Variants in SCD5 observed in about 807,000 individuals in gnomAD.
The protein encoded by SCD5 is stearoyl-CoA desaturase 5, also known as acyl-CoA-desaturase 4.
In SCD5, 20 loss-of-function variants were observed where a neutral mutation model predicts 30.4. The observed-to-expected ratio is 0.66, with a 90% CI of 0.46 to 0.96. The LOEUF is 0.96. SCD5 is among the 40% of genes least tolerant of loss of function. The probability of loss-of-function intolerance (pLI) is 0.00; values close to 1 mark genes in which losing one functional copy is unlikely to be tolerated. For missense variants in SCD5, 381 were observed against 443.3 expected, an observed-to-expected ratio of 0.86 and a Z score of 1.26; for synonymous variants, 173 against 176.4, an observed-to-expected ratio of 0.98 and a Z score of 0.16.
intron 1 of SCD5, among the ~76,000 whole-genome samples, chr4:82,709,613 C>T (rs1014494430): frequency 1.3e-5 from 2 of 152,294 alleles, no homozygotes; most frequent in South Asian, 2.1e-4. Context: ...GAGGGACTCA[C>T]AGATGCAAAG....
intron 2 of SCD5, among the ~76,000 whole-genome samples, chr4:82,685,731 A>G (rs113529442): frequency 6.6e-6 from 1 of 152,006 alleles, no homozygotes; most frequent in Non-Finnish European, 1.5e-5. Flanking sequence ...AACAAACAAA[A>G]AAAAAAACTA....
At chr4:82,675,711 G>C (rs528597792) in intron 3 of SCD5, among the ~76,000 whole-genome samples, 30 of 152,330 alleles carry the variant, frequency 2.0e-4, no homozygotes, top group Admixed American at 3.3e-4. Context: ...AGCATTAGGA[G>C]AAACAGTCTC....
chr4:82,709,295 G>C lies in SCD5; in HGVS notation c.233-3882C>G, dbSNP rs80116560. 1.1e-3 allele frequency among the ~76,000 whole-genome samples: 166 copies of C among 152,242 alleles called. 5 individuals are homozygous for C. In the East Asian group the frequency reaches 0.029, roughly 26 times the overall value. On this transcript the variant is annotated intron_variant, in intron 1 of 4. Coordinates refer to ENST00000319540, the MANE Select transcript of SCD5 (RefSeq NM_001037582.3). ...TCTGCATCCCATTCAGCCTCGGCTTGTCATAAACATGAGTGCCAGTTTATG... is the reference window on the plus strand; with the variant it reads ...TCTGCATCCCATTCAGCCTCGGCTTCTCATAAACATGAGTGCCAGTTTATG...
chr4:82,756,588 G>A (rs1298907766), intron 1 of SCD5, among the ~76,000 whole-genome samples: 1 of 152,072 alleles, frequency 6.6e-6, no homozygotes, highest in Non-Finnish European at 1.5e-5. Context: ...AGCCAGGTGT[G>A]GTGGTGTGCA....
chr4:82,734,303 A>C (rs970913758), intron 1 of SCD5, among the ~76,000 whole-genome samples: 1 of 152,192 alleles, frequency 6.6e-6, no homozygotes, highest in African/African-American at 2.4e-5. Flanking sequence ...CAAACCAAAC[A>C]AAACAATCCC....
intron 3 of SCD5, among the ~76,000 whole-genome samples, chr4:82,658,659 A>C (rs1160592877): frequency 1.2e-5 from 1 of 86,780 alleles, no homozygotes; most frequent in Non-Finnish European, 2.3e-5. Flanking sequence ...TTTTTTTTGT[A>C]TTTTAGTGGA....
chr4:82,703,249 A>G (rs1719894634), intron 2 of SCD5, among the ~76,000 whole-genome samples: 2 of 152,258 alleles, frequency 1.3e-5, no homozygotes, highest in South Asian at 4.1e-4. Context: ...GATGGTTTCT[A>G]AAACTACATT....
intron 1 of SCD5, among the ~76,000 whole-genome samples, chr4:82,747,016 G>T (rs914505144): frequency 6.8e-6 from 1 of 146,796 alleles, no homozygotes; most frequent in African/African-American, 2.6e-5. Context: ...GAATGACACA[G>T]GCACCAAGGG....
At chr4:82,695,786 T>C (rs1352906519) in intron 2 of SCD5, among the ~76,000 whole-genome samples, 1 of 152,224 alleles carries the variant, frequency 6.6e-6, no homozygotes, top group Non-Finnish European at 1.5e-5. Context: ...ATGTTTTCCC[T>C]ACCCTCCTCT....
At chr4:82,646,091 A>C (rs1184639749) in intron 3 of SCD5, among the ~76,000 whole-genome samples, 1 of 152,142 alleles carries the variant, frequency 6.6e-6, no homozygotes, top group Non-Finnish European at 1.5e-5. Flanking sequence ...AAAGAAGCAA[A>C]CACCACAACG....
chr4:82,652,128 G>A (rs1268110689), intron 3 of SCD5, among the ~76,000 whole-genome samples: 2 of 152,116 alleles, frequency 1.3e-5, no homozygotes, highest in Non-Finnish European at 2.9e-5. Context: ...AAAGAAACAT[G>A]AGCAAAAGCA....
intron 1 of SCD5, among the ~76,000 whole-genome samples, chr4:82,706,484 T>C (rs1719971495): frequency 6.6e-6 from 1 of 152,256 alleles, no homozygotes; most frequent in African/African-American, 2.4e-5. Flanking sequence ...CAGCAGCGCC[T>C]GTACTGTGCA....
At chr4:82,684,002 T>C (rs4693488) in intron 2 of SCD5, among the ~76,000 whole-genome samples, 143,816 of 152,326 alleles carry the variant, frequency 0.94, 68,006 homozygotes, top group East Asian at 1. Flanking sequence ...TAATTCAATG[T>C]CATGCAATCT....
chr4:82,749,585 A>C (rs1721059345), intron 1 of SCD5, among the ~76,000 whole-genome samples: 2 of 152,384 alleles, frequency 1.3e-5, no homozygotes, highest in East Asian at 3.9e-4. Flanking sequence ...CCAAACAGGC[A>C]ATGTTTCCTT....
intron 1 of SCD5, among the ~76,000 whole-genome samples, chr4:82,712,024 G>T (rs183450286): frequency 5.6e-4 from 84 of 151,216 alleles, no homozygotes; most frequent in African/African-American, 1.9e-3. Context: ...CTTTCTATGT[G>T]CCAGGCCCTC....
In SCD5 at chr4:82,664,193, G is replaced by A. The variant is rs143069190; in HGVS notation, c.569+16514C>T. On this transcript the variant is annotated intron_variant, in intron 3 of 4. Coordinates refer to ENST00000319540, the MANE Select transcript of SCD5 (RefSeq NM_001037582.3). ...CTCTGGCACATCAGGCTCTAAGCAC[G>A]TAGTAAGGGTAGCCATCCAGTGAAG... Among the ~76,000 whole-genome samples, 33 of 152,304 alleles carry A rather than the reference G, an allele frequency of 2.2e-4. 1 individual carries two copies. The East Asian group carries it at 6.2e-3, about 29-fold the overall frequency.
At chr4:82,668,823 C>G (rs1728245776) in intron 3 of SCD5, among the ~76,000 whole-genome samples, 1 of 152,212 alleles carries the variant, frequency 6.6e-6, no homozygotes, top group Admixed American at 6.5e-5. Flanking sequence ...AAGCCCCTGT[C>G]TCCATGTCTC....
At position 82,679,260 on chromosome 4, in the gene SCD5, G is replaced by GAGA. The variant is rs1560531698; in HGVS notation, c.569+1446_569+1447insTCT. 7.0e-5 allele frequency among the ~76,000 whole-genome samples: 7 copies of GAGA among 99,488 alleles called. 1 individual carries two copies. Among genetic ancestry groups the GAGA allele is most frequent in the Admixed American group, 1.1e-4 (1 of 8,950 alleles). 65.3% of individuals were successfully genotyped at this position (99,488 alleles called of 152,430 possible). ...AGAAAGAAAGAAAGAAAGAAAGAAAGAAGGAAGGAAAGAAAGAAAGAAGGA... is the reference window on the plus strand; with the variant it reads ...AGAAAGAAAGAAAGAAAGAAAGAAAGAGAAAGGAAGGAAAGAAAGAAAGAAGGA... On this transcript the variant is annotated intron_variant, in intron 3 of 4. Transcript: ENST00000319540.
At chr4:82,747,100 T>TC (rs918022324) in intron 1 of SCD5, among the ~76,000 whole-genome samples, 1 of 139,620 alleles carries the variant, frequency 7.2e-6, no homozygotes, top group Non-Finnish European at 1.6e-5. Flanking sequence ...TCCCACTCCA[T>TC]CCCCTGCTTC....
Sources: gnomAD v4.1 joint callset for allele counts (sites outside exome capture counted in the v4.1 genomes callset) on GRCh38, gnomAD v4.1.1 for gene constraint, MANE v1.5 for transcripts, NCBI Gene and HGNC (gene_info 2026-07-23, HGNC 2026-07-21) for gene names.